CCDC102B: variants seen among roughly 807,000 people sequenced by gnomAD.
CCDC102B encodes the protein coiled-coil domain containing 102B.
A neutral mutation model predicts 57.4 loss-of-function variants in CCDC102B; 75 were observed. That is an observed-to-expected ratio of 1.31 (90% confidence interval 1.08 to 1.58). The LOEUF (loss-of-function observed/expected upper bound fraction) is 1.58. CCDC102B is among the 40% of genes most tolerant of loss of function. CCDC102B has a pLI of 0.00. For synonymous variants in CCDC102B, 206 were observed against 201.9 expected (o/e 1.02, Z -0.17); for missense variants, 636 against 582.6 (o/e 1.09, Z -0.94).
chr18:68,931,071 A>G (rs1019584401), intron 6 of CCDC102B, among the ~76,000 whole-genome samples: 12 of 151,952 alleles, frequency 7.9e-5, no homozygotes, highest in Admixed American at 2.0e-4. Context: ...AGACACCTCA[A>G]AATTTAAGTA....
intron 7 of CCDC102B, among the ~76,000 whole-genome samples, chr18:69,013,048 T>C (rs961666352): frequency 2.0e-5 from 3 of 152,044 alleles, no homozygotes; most frequent in Non-Finnish European, 4.4e-5. Context: ...AAAAACATTA[T>C]ATCAAAAAGA....
intron 6 of CCDC102B, among the ~76,000 whole-genome samples, chr18:68,933,449 C>T (rs367954480): frequency 2.6e-5 from 4 of 151,832 alleles, no homozygotes; most frequent in African/African-American, 7.2e-5. Context: ...GATTTTTCTC[C>T]ATCAAACATT....
intron 2 of CCDC102B, among the ~76,000 whole-genome samples, chr18:68,752,662 A>G (rs528684185): frequency 2.6e-5 from 4 of 152,180 alleles, no homozygotes; most frequent in South Asian, 2.1e-4. Flanking sequence ...ACTTAATGTT[A>G]TGATTATAAG....
intron 2 of CCDC102B, among the ~76,000 whole-genome samples, chr18:68,750,974 G>T (rs1238739450): frequency 6.6e-6 from 1 of 150,626 alleles, no homozygotes; most frequent in Non-Finnish European, 1.5e-5. Flanking sequence ...CAAAAACAAA[G>T]AAACAAAAAA....
chr18:68,824,400 C>T (rs1006548592), intron 1 of CCDC102B, among the ~76,000 whole-genome samples: 1 of 152,174 alleles, frequency 6.6e-6, no homozygotes, highest in Non-Finnish European at 1.5e-5. Flanking sequence ...CTATTCCGAG[C>T]CTTTTGGCAA....
rs138936501 is a variant in CCDC102B at position 68,958,555 on chromosome 18, T to C, written c.1264-52379T>C. On this transcript the variant is annotated intron_variant, in intron 6 of 7. Transcript: ENST00000360242. ...ATCATCAGAGATATTGATATTGACC[T>C]ATAGTTTTCTTTTATTATCTCTTTG... is the stretch of plus-strand genomic sequence containing the variant. 8.7e-4 allele frequency among the ~76,000 whole-genome samples: 132 copies of C among 152,310 alleles called. 2 individuals are homozygous for C. The highest frequency in any genetic ancestry group is 3.0e-3 in the African/African-American group (126 of 41,586).
intron 7 of CCDC102B, among the ~76,000 whole-genome samples, chr18:69,029,990 T>C (rs1374067985): frequency 6.6e-6 from 1 of 152,224 alleles, no homozygotes; most frequent in Non-Finnish European, 1.5e-5. Context: ...TAATTAGAAG[T>C]GATGTCTTGC....
chr18:69,043,070 T>C (rs1421925077), intron 7 of CCDC102B, among the ~76,000 whole-genome samples: 1 of 152,082 alleles, frequency 6.6e-6, no homozygotes, highest in African/African-American at 2.4e-5. Flanking sequence ...TGTGTCAGGG[T>C]CACAAGACAA....
chr18:69,042,086 A>G (rs2052449171), intron 7 of CCDC102B, among the ~76,000 whole-genome samples: 1 of 152,126 alleles, frequency 6.6e-6, no homozygotes, highest in African/African-American at 2.4e-5. Flanking sequence ...TTTTCTAACC[A>G]GGCTTGAAAA....
At chr18:68,951,876 C>T (rs2049708575) in intron 6 of CCDC102B, among the ~76,000 whole-genome samples, 1 of 151,716 alleles carries the variant, frequency 6.6e-6, no homozygotes, top group Non-Finnish European at 1.5e-5. Context: ...CTAGGTGCCT[C>T]CACAAAATTT....
Position 68,960,734 on chromosome 18 carries a change from C to T in CCDC102B, c.1264-50200C>T, listed in dbSNP as rs944777664. The stretch of plus-strand genomic sequence containing the variant: ...TCTGCCTTGGGCTGCTCTAAATGCT[C>T]ATTCTGTGAGCACCAGCAGAGTTTT... On this transcript the variant is annotated intron_variant, in intron 6 of 7. Transcript: ENST00000360242. Among the ~76,000 whole-genome samples the T allele has an allele frequency of 3.3e-5, 5 of 152,296 alleles. No homozygotes were observed. The East Asian group carries it at 9.7e-4, about 29-fold the overall frequency.
At chr18:69,008,830 C>T (rs1175813889) in intron 6 of CCDC102B, among the ~76,000 whole-genome samples, 1 of 152,224 alleles carries the variant, frequency 6.6e-6, no homozygotes, top group African/African-American at 2.4e-5. Flanking sequence ...ATACCATACA[C>T]TTCACACAGT....
chr18:68,981,994 A>AT (rs1409399538), intron 6 of CCDC102B, among the ~76,000 whole-genome samples: 1 of 151,940 alleles, frequency 6.6e-6, no homozygotes, highest in Non-Finnish European at 1.5e-5. Flanking sequence ...AAATAAATAA[A>AT]AAGAAAGACA....
At chr18:68,872,042 T>C (rs2039259664) in intron 4 of CCDC102B, among the ~76,000 whole-genome samples, 1 of 150,914 alleles carries the variant, frequency 6.6e-6, no homozygotes, top group Non-Finnish European at 1.5e-5. Context: ...GAGTTAGCTT[T>C]AGTTTGGATG....
intron 6 of CCDC102B, among the ~76,000 whole-genome samples, chr18:68,993,689 G>A (rs1029300628): frequency 4.6e-5 from 7 of 152,112 alleles, no homozygotes; most frequent in Non-Finnish European, 1.0e-4. Context: ...AAATGTTATA[G>A]GAACCACTGT....
At chr18:68,984,043 C>T (rs1477451430) in intron 6 of CCDC102B, among the ~76,000 whole-genome samples, 1 of 151,890 alleles carries the variant, frequency 6.6e-6, no homozygotes, top group East Asian at 1.9e-4. Context: ...TCTGTAGCAA[C>T]CTTTTTGATT....
intron 6 of CCDC102B, among the ~76,000 whole-genome samples, chr18:68,923,564 A>AC (rs1333165700): frequency 2.6e-5 from 4 of 151,984 alleles, no homozygotes; most frequent in Non-Finnish European, 5.9e-5. Context: ...GTATTTTATC[A>AC]CCCCCATTTT....
rs1423293088 is a variant in CCDC102B at position 68,760,680 on chromosome 18, A to G, written c.-67+44086A>G. Among the ~76,000 whole-genome samples the G allele has an allele frequency of 2.6e-5, 4 of 152,216 alleles. No individual in the cohort carries two copies. The South Asian group carries it at 8.3e-4, about 32-fold the overall frequency. On this transcript the variant is annotated intron_variant, in intron 2 of 3. Transcript: ENST00000578970. ...TGCGTGGTGCTATGGGAACCCAAGGACCAATGCTAAAGCTGCTTTTAGTAT... is the reference window on the plus strand; with the variant it reads ...TGCGTGGTGCTATGGGAACCCAAGGGCCAATGCTAAAGCTGCTTTTAGTAT...
chr18:69,006,508 C>T (rs1020198144), intron 6 of CCDC102B, among the ~76,000 whole-genome samples: 6 of 151,480 alleles, frequency 4.0e-5, no homozygotes, highest in East Asian at 3.9e-4. Context: ...CTGCAACCTC[C>T]GCCTCCTGGG....
Sources: gnomAD v4.1 joint callset for allele counts (sites outside exome capture counted in the v4.1 genomes callset) on GRCh38, gnomAD v4.1.1 for gene constraint, MANE v1.5 for transcripts, NCBI Gene and HGNC (gene_info 2026-07-23, HGNC 2026-07-21) for gene names.